Variants in GBE1 observed in about 807,000 individuals in gnomAD.
The protein encoded by GBE1 is 1,4-alpha-glucan branching enzyme 1.
In GBE1, 70 loss-of-function variants were observed where a neutral mutation model predicts 88.8. That is an observed-to-expected ratio of 0.79 (90% confidence interval 0.65 to 0.96). The LOEUF (loss-of-function observed/expected upper bound fraction) is 0.96, where lower values mean the gene tolerates loss of function less well. Among genes scored for constraint, GBE1 ranks in the 40% least tolerant of loss-of-function variants. The pLI, the probability that GBE1 is intolerant of heterozygous loss-of-function variation, is 0.00. For missense variants in GBE1, 872 were observed against 871.0 expected (o/e 1.00, Z -0.01); for synonymous variants, 284 against 300.1 (o/e 0.95, Z 0.56).
intron 11 of GBE1, 76 bp from the exon 12 acceptor site, chr3:81,578,172 A>T: frequency 1.0e-6 from 1 of 979,806 alleles, no homozygotes; most frequent in East Asian, 2.7e-5. Context: ...AGAACAATGC[A>T]TGGTTACAAA....
chr3:81,649,415 G>A (rs1413870629), intron 4 of GBE1, among the ~76,000 whole-genome samples: 1 of 151,910 alleles, frequency 6.6e-6, no homozygotes, highest in Non-Finnish European at 1.5e-5. Flanking sequence ...TTCATGAGAT[G>A]GTCTTCCCCA....
intron 12 of GBE1, among the ~76,000 whole-genome samples, chr3:81,556,598 T>C (rs1344295255): frequency 6.6e-6 from 1 of 152,110 alleles, no homozygotes; most frequent in African/African-American, 2.4e-5. Context: ...CAGGAATATA[T>C]ACATACTTAC....
intron 7 of GBE1, among the ~76,000 whole-genome samples, chr3:81,615,596 G>A (rs906892107): frequency 3.9e-5 from 6 of 152,218 alleles, no homozygotes; most frequent in Non-Finnish European, 8.8e-5. Flanking sequence ...ATTCATTCAA[G>A]TTGTGTGTAT....
chr3:81,700,775 G>A (rs1234012072), intron 2 of GBE1, among the ~76,000 whole-genome samples: 1 of 152,066 alleles, frequency 6.6e-6, no homozygotes, highest in East Asian at 1.9e-4. Context: ...AAAAATATCA[G>A]TGGTTCCTTT....
intron 3 of GBE1, among the ~76,000 whole-genome samples, chr3:81,654,316 CA>C (rs1213404480): frequency 2.7e-5 from 4 of 150,682 alleles, no homozygotes; most frequent in African/African-American, 9.7e-5. Context: ...ATGTTGAAGA[CA>C]AAAAAGTGTG....
intron 7 of GBE1, among the ~76,000 whole-genome samples, chr3:81,625,183 C>A (rs1182114338): frequency 2.0e-5 from 3 of 151,912 alleles, no homozygotes; most frequent in Non-Finnish European, 4.4e-5. Context: ...TCACTCCTGC[C>A]TTGATAGAAG....
At position 81,619,011 on chromosome 3, in the gene GBE1, A is replaced by C. The variant is rs1264473421; in HGVS notation, c.992+23770T>G. On this transcript the variant is annotated intron_variant, in intron 7 of 15. Coordinates refer to ENST00000429644, the MANE Select transcript of GBE1 (RefSeq NM_000158.4). ...AAATGACTCTTTAAATTATATCAAA[A>C]TAATGCAAACATGCAGAAAATTACT... is the stretch of plus-strand genomic sequence containing the variant. Among the ~76,000 whole-genome samples the C allele has an allele frequency of 3.3e-5, 5 of 152,268 alleles. No homozygotes were observed. The East Asian group carries it at 9.6e-4, about 29-fold the overall frequency.
intron 9 of GBE1, among the ~76,000 whole-genome samples, chr3:81,586,453 A>G (rs1389016787): frequency 1.3e-5 from 2 of 152,140 alleles, no homozygotes; most frequent in African/African-American, 4.8e-5. Flanking sequence ...AAATAGCAAA[A>G]CTGTTATTGC....
chr3:81,610,416 C>T (rs1051870913), intron 7 of GBE1, among the ~76,000 whole-genome samples: 2 of 152,120 alleles, frequency 1.3e-5, no homozygotes, highest in African/African-American at 4.8e-5. Flanking sequence ...AAAATTTTGT[C>T]CATGTTCATA....
intron 3 of GBE1, 54 bp from the exon 4 acceptor site, chr3:81,649,975 T>C: frequency 6.9e-7 from 1 of 1,441,418 alleles, no homozygotes; most frequent in Non-Finnish European, 9.7e-7. Flanking sequence ...ACTCTGATAA[T>C]ACATAATGGT....
chr3:81,677,277 C>T (rs1035386818), intron 2 of GBE1, among the ~76,000 whole-genome samples: 1 of 152,106 alleles, frequency 6.6e-6, no homozygotes, highest in Non-Finnish European at 1.5e-5. Flanking sequence ...AGCAGTGAGG[C>T]AAGATGTCTG....
At chr3:81,750,627 A>AT (rs1559708748) in intron 1 of GBE1, among the ~76,000 whole-genome samples, 4 of 64,398 alleles carry the variant, frequency 6.2e-5, no homozygotes, top group Non-Finnish European at 9.8e-5. Flanking sequence ...GTATATATAT[A>AT]TACGTATATA....
At chr3:81,657,240 A>G (rs896857727) in intron 3 of GBE1, among the ~76,000 whole-genome samples, 4 of 152,154 alleles carry the variant, frequency 2.6e-5, no homozygotes, top group Admixed American at 6.6e-5. Context: ...GACAAAAACA[A>G]TCACTGCATA....
intron 7 of GBE1, among the ~76,000 whole-genome samples, chr3:81,624,595 T>C (rs534541338): frequency 3.3e-5 from 5 of 152,282 alleles, no homozygotes; most frequent in South Asian, 2.1e-4. Flanking sequence ...ACCAAAATAT[T>C]AAATAATATA....
chr3:81,642,398 G>A (rs1274518362), intron 7 of GBE1, among the ~76,000 whole-genome samples: 1 of 151,940 alleles, frequency 6.6e-6, no homozygotes, highest in Admixed American at 6.6e-5. Context: ...AAGATATGAA[G>A]CAATGAAGTA....
chr3:81,591,014 G>A, intron 9 of GBE1, 23 bp downstream of exon 9: 2 of 1,595,656 alleles, frequency 1.3e-6, no homozygotes, highest in Non-Finnish European at 1.7e-6. Flanking sequence ...GGGTCAGAAG[G>A]TAAGACTTCA....
In GBE1 at chr3:81,632,722, T is replaced by C. The variant is rs539060187; in HGVS notation, c.992+10059A>G. On this transcript the variant is annotated intron_variant, in intron 7 of 15. Transcript: ENST00000429644. Reference sequence around the variant, plus strand: ...TACTAGGTATATACCCAAAGGATTATATATTTTACTTTTTCCTGGCATCTT... The same window carrying C: ...TACTAGGTATATACCCAAAGGATTACATATTTTACTTTTTCCTGGCATCTT... Among the ~76,000 whole-genome samples, 21 of 152,308 alleles carry C rather than the reference T, an allele frequency of 1.4e-4. No homozygotes were observed. The South Asian group carries it at 4.4e-3, about 32-fold the overall frequency.
chr3:81,572,413 C>A (rs1703587822), intron 12 of GBE1, among the ~76,000 whole-genome samples: 1 of 152,096 alleles, frequency 6.6e-6, no homozygotes, highest in African/African-American at 2.4e-5. Flanking sequence ...TCTGAGAAGC[C>A]AGAAAATGTT....
intron 1 of GBE1, among the ~76,000 whole-genome samples, chr3:81,734,921 A>G (rs1156407436): frequency 6.6e-6 from 1 of 152,192 alleles, no homozygotes; most frequent in Admixed American, 6.5e-5. Context: ...ACTGTGTGTC[A>G]TTGAGAATAG....
Sources: allele counts gnomAD v4.1 joint callset (sites outside exome capture counted in the v4.1 genomes callset), GRCh38; gene constraint gnomAD v4.1.1; transcripts MANE v1.5; gene names NCBI Gene and HGNC (gene_info 2026-07-23, HGNC 2026-07-21).